NME7: variants seen among roughly 807,000 people sequenced by gnomAD.
NME7 encodes nucleoside diphosphate kinase 7.
In NME7, 41 loss-of-function variants were observed where a neutral mutation model predicts 49.1. The observed-to-expected ratio is 0.83, with a 90% CI of 0.65 to 1.08. The LOEUF (loss-of-function observed/expected upper bound fraction) is 1.08, where lower values mean the gene tolerates loss of function less well. Among genes scored for constraint, NME7 ranks in the 50% least tolerant of loss-of-function variants. The pLI, the probability that NME7 is intolerant of heterozygous loss-of-function variation, is 0.00. For missense variants in NME7, 423 were observed against 463.4 expected (o/e 0.91, Z 0.80); for synonymous variants, 139 against 150.6 (o/e 0.92, Z 0.56).
At chr1:169,352,453 A>G (rs1212920208) in intron 1 of NME7, among the ~76,000 whole-genome samples, 3 of 152,154 alleles carry the variant, frequency 2.0e-5, no homozygotes, top group Non-Finnish European at 2.9e-5. Context: ...GCCATATATG[A>G]CAGCCCCACA....
intron 1 of NME7, 111 bp from the exon 2 acceptor site, chr1:169,324,611 CTAT>C: frequency 1.6e-6 from 1 of 642,116 alleles, no homozygotes; most frequent in South Asian, 1.9e-5. Flanking sequence ...TTACTTCTAC[CTAT>C]TATATTGAAT....
intron 7 of NME7, among the ~76,000 whole-genome samples, chr1:169,254,015 T>A (rs1331055478): frequency 6.6e-6 from 1 of 151,592 alleles, no homozygotes; most frequent in Non-Finnish European, 1.5e-5. Flanking sequence ...GATATTGGTC[T>A]AAAATTCTCT....
chr1:169,258,389 TATATATATATATATATACAC>T lies in NME7; in HGVS notation c.755-20722_755-20703del, dbSNP rs1435961161. Among the ~76,000 whole-genome samples the T allele has an allele frequency of 3.7e-3, 319 of 85,732 alleles. 39 individuals carry two copies. Among genetic ancestry groups the T allele is most frequent in the African/African-American group, 0.013 (310 of 23,204 alleles). 56.2% of individuals were successfully genotyped at this position (85,732 alleles called of 152,430 possible). On this transcript the variant is annotated intron_variant, in intron 7 of 11. Transcript: ENST00000367811. ...ATAAAATAAAACATATATATATATATATATATATATATATATACACACACACACACACACATACACACACA... is the reference window on the plus strand; with the variant it reads ...ATAAAATAAAACATATATATATATATACACACACACACACATACACACACA...
intron 10 of NME7, among the ~76,000 whole-genome samples, chr1:169,187,438 G>C (rs1660098271): frequency 6.6e-6 from 1 of 152,072 alleles, no homozygotes. Context: ...CCTGTATTGG[G>C]TGCATATATA....
At chr1:169,163,968 G>C (rs1488180888) in intron 11 of NME7, among the ~76,000 whole-genome samples, 2 of 151,974 alleles carry the variant, frequency 1.3e-5, no homozygotes, top group Non-Finnish European at 2.9e-5. Context: ...AAATTAGCTG[G>C]GCGTGGTGGC....
At position 169,188,076 on chromosome 1, in the gene NME7, C is replaced by CT. The variant is rs531252245; in HGVS notation, c.991-18523dup. 2.0e-3 allele frequency among the ~76,000 whole-genome samples: 312 copies of CT among 152,272 alleles called. 1 individual carries two copies. The highest frequency in any genetic ancestry group is 6.8e-3 in the Middle Eastern group (2 of 294). On this transcript the variant is annotated intron_variant, in intron 10 of 11. Coordinates refer to ENST00000367811, the MANE Select transcript of NME7 (RefSeq NM_013330.5). ...CTTTAAGAATGTTGAATATTGGCCC[C>CT]TACTCTCTTCTGGCTTGTAGGGTTT... is the stretch of plus-strand genomic sequence containing the variant.
Position 169,310,002 on chromosome 1 carries a change from A to T in NME7, c.357T>A (p.Thr119=). ...IIEIINKAGF[T]ITKLKMMMLS... ...GCATCATCATTTTGAGTTTGGTTATAGTAAATCCAGCTTTGTTTATTATTT... is the reference window on the plus strand; with the variant it reads ...GCATCATCATTTTGAGTTTGGTTATTGTAAATCCAGCTTTGTTTATTATTT... The change falls in exon 4 of 12, where the codon ACT becomes ACA. Residue 119 remains threonine (T), a synonymous_variant. Coordinates refer to ENST00000367811, the MANE Select transcript of NME7 (RefSeq NM_013330.5). 1 of 1,603,532 alleles carries T rather than the reference A, an allele frequency of 6.2e-7. No homozygotes were observed. The highest frequency in any genetic ancestry group is 8.5e-7 in the Non-Finnish European group (1 of 1,174,100).
At chr1:169,291,058 G>A (rs1650481035) in intron 6 of NME7, among the ~76,000 whole-genome samples, 1 of 152,150 alleles carries the variant, frequency 6.6e-6, no homozygotes, top group Non-Finnish European at 1.5e-5. Flanking sequence ...TTACACTGTT[G>A]GTGAGAGTGT....
chr1:169,311,416 C>CAA (rs34576386), intron 3 of NME7, among the ~76,000 whole-genome samples: 128 of 83,274 alleles, frequency 1.5e-3, no homozygotes, highest in Non-Finnish European at 1.8e-3. Context: ...GACTCCATCT[C>CAA]AAAAAAAAAA....
At chr1:169,217,872 T>C (rs1429398039) in intron 10 of NME7, among the ~76,000 whole-genome samples, 1 of 152,182 alleles carries the variant, frequency 6.6e-6, no homozygotes, top group Admixed American at 6.5e-5. Flanking sequence ...AGCTGCACTA[T>C]GCTTTTCAAT....
At chr1:169,142,780 T>C (rs1256541467) in intron 11 of NME7, among the ~76,000 whole-genome samples, 1 of 152,178 alleles carries the variant, frequency 6.6e-6, no homozygotes, top group Non-Finnish European at 1.5e-5. Flanking sequence ...GAGGAGGGCC[T>C]CTCAATCTTT....
chr1:169,290,455 T>C (rs923968337), intron 6 of NME7, among the ~76,000 whole-genome samples: 1 of 152,136 alleles, frequency 6.6e-6, no homozygotes, highest in Admixed American at 6.6e-5. Context: ...GAAAACTGGC[T>C]AGCCATATGC....
chr1:169,189,350 G>A (rs888432539), intron 10 of NME7, among the ~76,000 whole-genome samples: 3 of 151,834 alleles, frequency 2.0e-5, no homozygotes, highest in East Asian at 1.9e-4. Flanking sequence ...CATTATTTTC[G>A]CACAATTTCA....
At chr1:169,280,097 C>T (rs531064362) in intron 7 of NME7, among the ~76,000 whole-genome samples, 65 of 152,266 alleles carry the variant, frequency 4.3e-4, no homozygotes, top group African/African-American at 1.5e-3. Flanking sequence ...AAAGCGTTCC[C>T]ATTTTTCCAC....
At chr1:169,323,456 C>T (rs1044791418) in intron 2 of NME7, among the ~76,000 whole-genome samples, 173 bp from the exon 3 acceptor site, 2 of 152,096 alleles carry the variant, frequency 1.3e-5, no homozygotes, top group African/African-American at 2.4e-5. Flanking sequence ...TTCCATATTT[C>T]CTAATCCAAT....
intron 3 of NME7, 46 bp from the exon 4 acceptor site, chr1:169,310,126 A>T: frequency 8.6e-7 from 1 of 1,165,336 alleles, no homozygotes; most frequent in Non-Finnish European, 1.3e-6. Context: ...ATAGTTCAAC[A>T]GTTTTTATTT....
At chr1:169,355,149 AC>A (rs1293720285) in intron 1 of NME7, among the ~76,000 whole-genome samples, 28 of 37,838 alleles carry the variant, frequency 7.4e-4, no homozygotes, top group Admixed American at 2.9e-3. Flanking sequence ...TATATAATAT[AC>A]TATATATTAT....
intron 9 of NME7, among the ~76,000 whole-genome samples, chr1:169,231,761 T>C (rs183246163): frequency 3.0e-4 from 46 of 152,234 alleles, no homozygotes; most frequent in South Asian, 1.7e-3. Context: ...TACTGCACCA[T>C]AGCAGTTGGC....
At chr1:169,159,077 C>A (rs950366193) in intron 11 of NME7, among the ~76,000 whole-genome samples, 1 of 152,136 alleles carries the variant, frequency 6.6e-6, no homozygotes, top group Non-Finnish European at 1.5e-5. Context: ...TACTAAATCC[C>A]AGCAACAACA....
Sources: allele counts gnomAD v4.1 joint callset (sites outside exome capture counted in the v4.1 genomes callset), GRCh38; gene constraint gnomAD v4.1.1; transcripts MANE v1.5; gene names NCBI Gene and HGNC (gene_info 2026-07-23, HGNC 2026-07-21).